Variants in SLC36A3 observed in about 807,000 individuals in gnomAD.
SLC36A3 encodes proton-coupled amino acid transporter 3.
In SLC36A3, 35 loss-of-function variants were observed where a neutral mutation model predicts 44.3. The observed-to-expected ratio is 0.79, with a 90% CI of 0.60 to 1.05. The LOEUF (loss-of-function observed/expected upper bound fraction) is 1.05, where lower values mean the gene tolerates loss of function less well. SLC36A3 is among the 50% of genes least tolerant of loss of function. The pLI, the probability that SLC36A3 is intolerant of heterozygous loss-of-function variation, is 0.00. For synonymous variants in SLC36A3, 211 were observed against 227.6 expected (o/e 0.93, Z 0.66); for missense variants, 540 against 578.7 (o/e 0.93, Z 0.69).
chr5:151,287,141 A>G (rs1754565288), intron 6 of SLC36A3, 105 bp downstream of exon 6: 1 of 1,144,660 alleles, frequency 8.7e-7, no homozygotes, highest in East Asian at 2.5e-5. Context: ...CTCAGAGCAG[A>G]GGATCACCTT....
Position 151,303,476 on chromosome 5 carries a change from T to G in SLC36A3, c.-122A>C. On this transcript the variant is annotated 5_prime_UTR_variant, in exon 1 of 10. Transcript: ENST00000335230. ...AGATGCTGGCTCCTAACCCCAAGGATGCGTGCTGCTGGCTGAAGCCTGAAG... is the reference window on the plus strand; with the variant it reads ...AGATGCTGGCTCCTAACCCCAAGGAGGCGTGCTGCTGGCTGAAGCCTGAAG... The G allele has an allele frequency of 9.1e-7, 1 of 1,093,380 alleles. No individual in the cohort carries two copies. Among genetic ancestry groups the G allele is most frequent in the Non-Finnish European group, 1.3e-6 (1 of 766,628 alleles). 67.7% of individuals were successfully genotyped at this position (1,093,380 alleles called of 1,614,324 possible). A position where few individuals can be genotyped will look rare whatever the true frequency, so the allele number is the denominator to read the frequency against.
At chr5:151,282,740 C>A (rs1337377306) in intron 8 of SLC36A3, among the ~76,000 whole-genome samples, 1 of 152,154 alleles carries the variant, frequency 6.6e-6, no homozygotes, top group Non-Finnish European at 1.5e-5. Context: ...ATTTTAATAG[C>A]TGTTGACATA....
chr5:151,299,252 C>CTATATATATATA (rs1417584326), intron 1 of SLC36A3, among the ~76,000 whole-genome samples: 3 of 95,064 alleles, frequency 3.2e-5, no homozygotes, highest in African/African-American at 4.3e-5. Context: ...CTCTCTCTCT[C>CTATATATATATA]TCTCTCTCTC....
chr5:151,297,671 T>C (rs1183252937), intron 2 of SLC36A3: 1 of 152,102 alleles, frequency 6.6e-6, no homozygotes. Context: ...TGTTAGAAAA[T>C]AAATATGTCG....
chr5:151,290,268 T>C (rs1754707421), intron 4 of SLC36A3, among the ~76,000 whole-genome samples: 1 of 152,208 alleles, frequency 6.6e-6, no homozygotes, highest in African/African-American at 2.4e-5. Context: ...TCAACCAATT[T>C]GTTGGTTGAG....
At chr5:151,289,010 A>C (rs1299218433) in intron 4 of SLC36A3, 1 of 153,372 alleles carries the variant, frequency 6.5e-6, no homozygotes, top group African/African-American at 2.4e-5. Context: ...CAGTGAGCTG[A>C]GATCTTGCCA....
At chr5:151,300,838 G>A (rs1755144718) in intron 1 of SLC36A3, among the ~76,000 whole-genome samples, 1 of 152,154 alleles carries the variant, frequency 6.6e-6, no homozygotes, top group South Asian at 2.1e-4. Flanking sequence ...CCTCCTCTGG[G>A]CATCTTTATT....
rs543216557 is a variant in SLC36A3, at chr5:151,289,951, T to C, written c.405-1481A>G. 4.6e-5 allele frequency among the ~76,000 whole-genome samples: 7 copies of C among 152,378 alleles called. No individual in the cohort carries two copies. In the East Asian group the frequency reaches 1.2e-3, roughly 25 times the overall value. On this transcript the variant is annotated intron_variant, in intron 4 of 9. Coordinates refer to ENST00000335230, the MANE Select transcript of SLC36A3 (RefSeq NM_181774.4). ...AACCAATGGTTTTACCACTCACTGA[T>C]GTTCCTTGCTTGAATCATTGGTGGT...
chr5:151,287,587 G>T, intron 5 of SLC36A3, 123 bp from the exon 6 acceptor site: 1 of 866,672 alleles, frequency 1.2e-6, no homozygotes, highest in Non-Finnish European at 1.8e-6. Context: ...TATTGCATAA[G>T]ACACGCTCAT....
intron 6 of SLC36A3, among the ~76,000 whole-genome samples, chr5:151,286,605 C>A (rs1391468837): frequency 2.0e-5 from 3 of 152,084 alleles, no homozygotes; most frequent in Non-Finnish European, 4.4e-5. Context: ...AGTTGTTAGA[C>A]CTAGTTGTTT....
intron 4 of SLC36A3, among the ~76,000 whole-genome samples, chr5:151,289,808 A>G (rs1251995369): frequency 6.6e-6 from 1 of 152,208 alleles, no homozygotes; most frequent in Non-Finnish European, 1.5e-5. Context: ...TGGGAGGCAC[A>G]TGATATCCTG....
rs1002322394 is a variant in SLC36A3 at position 151,303,760 on chromosome 5, C to A, written c.-406G>T. ...AGGTCCTGGTGCCTGGACGTGGGGC[C>A]AGGCTCAGTGCTTGTCTGTCTTTGG... On this transcript the variant is annotated 5_prime_UTR_variant, in exon 1 of 10. Coordinates refer to ENST00000335230, the MANE Select transcript of SLC36A3 (RefSeq NM_181774.4). 4.3e-5 allele frequency: 7 copies of A among 162,984 alleles called. No individual in the cohort carries two copies. The highest frequency in any genetic ancestry group is 1.7e-4 in the African/African-American group (7 of 41,824). 10.1% of individuals were successfully genotyped at this position (162,984 alleles called of 1,614,324 possible).
chr5:151,287,766 C>T (rs1754599216), intron 5 of SLC36A3, among the ~76,000 whole-genome samples: 1 of 152,184 alleles, frequency 6.6e-6, no homozygotes, highest in African/African-American at 2.4e-5. Flanking sequence ...ACCTTTTCTT[C>T]TCCACAAAAT....
At chr5:151,280,180 G>T (rs547576346) in intron 9 of SLC36A3, among the ~76,000 whole-genome samples, 3 of 152,264 alleles carry the variant, frequency 2.0e-5, no homozygotes, top group Non-Finnish European at 2.9e-5. Context: ...CTCTGGCTGG[G>T]TGCATGGTTC....
intron 6 of SLC36A3, among the ~76,000 whole-genome samples, chr5:151,286,795 A>G (rs12515173): frequency 0.081 from 12,321 of 152,270 alleles, 665 homozygotes; most frequent in East Asian, 0.22. Context: ...TTTGGCACCA[A>G]GTAAATAAAA....
rs751830483 is a variant in SLC36A3 at position 151,277,456 on chromosome 5, G to T, written c.1350C>A (p.Ala450=). 2.7e-5 allele frequency: 44 copies of T among 1,614,028 alleles called. No homozygotes were observed. Among genetic ancestry groups the T allele is most frequent in the Non-Finnish European group, 3.6e-5 (42 of 1,180,036 alleles). ...LLGCIFGTYQ[A]LYELPQPISH... ...TGATGGGTTGGGGCAACTCATAGAGGGCTTGGTATGTCCCAAATATACACC... is the reference window on the plus strand; with the variant it reads ...TGATGGGTTGGGGCAACTCATAGAGTGCTTGGTATGTCCCAAATATACACC... Residue 450 remains alanine, a synonymous_variant, in exon 10 of 10, where the codon GCC becomes GCA. Coordinates refer to ENST00000335230, the MANE Select transcript of SLC36A3 (RefSeq NM_181774.4).
Position 151,277,661 on chromosome 5 carries a change from C to A in SLC36A3, c.1145G>T (p.Cys382Phe), listed in dbSNP as rs1344227985. 6.2e-7 allele frequency: 1 copy of A among 1,613,438 alleles called. No homozygotes were observed. Among genetic ancestry groups the A allele is most frequent in the Non-Finnish European group, 8.5e-7 (1 of 1,179,696 alleles). The change falls in exon 10 of 10, where the codon TGT (cysteine) becomes TTT (phenylalanine). Residue 382 changes from cysteine (C) to phenylalanine (F), a missense_variant and splice_region_variant. Coordinates refer to ENST00000335230, the MANE Select transcript of SLC36A3 (RefSeq NM_181774.4). ...GCGGGGGATGAGGATGGCTGAGACA[C>A]CTGCAATGAAAGGAGATATTTAGAA... The part of the protein sequence containing the change: ...SVRSALVCLT[C>F]VSAILIPRLD...
intron 6 of SLC36A3, among the ~76,000 whole-genome samples, chr5:151,285,297 T>G (rs926978415): frequency 6.6e-6 from 1 of 152,232 alleles, no homozygotes; most frequent in Non-Finnish European, 1.5e-5. Context: ...ATCACTTACT[T>G]GGACTCTTGG....
rs138293383 is a variant in SLC36A3, at chr5:151,288,934, C to T, written c.405-464G>A. ...ATTAGCCAGGTGTGGTGGCAGGCAC[C>T]TGTAAATCCCAGCTACTCGGGAGGC... is the stretch of plus-strand genomic sequence containing the variant. On this transcript the variant is annotated intron_variant, in intron 4 of 9. Coordinates refer to ENST00000335230, the MANE Select transcript of SLC36A3 (RefSeq NM_181774.4). 710 of 152,728 alleles carry T rather than the reference C, an allele frequency of 4.6e-3. 8 individuals are homozygous for T. Among genetic ancestry groups the T allele is most frequent in the South Asian group, 0.027 (129 of 4,830 alleles). The allele number at this position is 152,728 out of a possible 1,614,324, so 9.5% of individuals were successfully genotyped here.
Sources: allele counts gnomAD v4.1 joint callset (sites outside exome capture counted in the v4.1 genomes callset), GRCh38; gene constraint gnomAD v4.1.1; transcripts MANE v1.5; gene names NCBI Gene and HGNC (gene_info 2026-07-23, HGNC 2026-07-21).